Variants in CORIN observed in about 807,000 individuals in gnomAD.
The protein encoded by CORIN is corin, serine peptidase.
CORIN carries 117 observed loss-of-function variants against 125.3 expected under a neutral mutation model. That is an observed-to-expected ratio of 0.93 (90% CI 0.80 to 1.09). CORIN has a LOEUF of 1.09. Among genes scored for constraint, CORIN ranks in the 50% least tolerant of loss-of-function variants. CORIN has a pLI of 0.00. For missense variants in CORIN, 1,253 were observed against 1,306.7 expected, an observed-to-expected ratio of 0.96 and a Z score of 0.63; for synonymous variants, 450 against 466.4, an observed-to-expected ratio of 0.96 and a Z score of 0.45.
intron 5 of CORIN, among the ~76,000 whole-genome samples, chr4:47,710,878 T>C (rs1409717021): frequency 1.3e-5 from 2 of 152,212 alleles, no homozygotes; most frequent in African/African-American, 4.8e-5. Context: ...CTATTACCCA[T>C]CAAACTTACC....
At position 47,600,217 on chromosome 4, in the gene CORIN, G is replaced by A. The variant is rs1234271686; in HGVS notation, c.2943C>T (p.Cys981=). The change falls in exon 21 of 22, where the codon TGC becomes TGT. Residue 981 remains cysteine (C), a synonymous_variant. Coordinates refer to ENST00000273857, the MANE Select transcript of CORIN (RefSeq NM_006587.4). ...TGGTAACCAGAAAGCAACTTACCATGCATGAATCAACTGTGCCAGACTCAT... is the reference window on the plus strand; with the variant it reads ...TGGTAACCAGAAAGCAACTTACCATACATGAATCAACTGTGCCAGACTCAT... ...AGYESGTVDS[C]MGDSGGPLVC... The A allele has an allele frequency of 1.2e-6, 2 of 1,607,386 alleles. No individual in the cohort carries two copies. Among genetic ancestry groups the A allele is most frequent in the African/African-American group, 1.3e-5 (1 of 74,936 alleles).
intron 9 of CORIN, among the ~76,000 whole-genome samples, chr4:47,676,842 G>A (rs17601341): frequency 0.37 from 56,072 of 152,002 alleles, 13,073 homozygotes; most frequent in African/African-American, 0.65. Flanking sequence ...TGATGCAAAC[G>A]GAAGTGCTCG....
At chr4:47,731,605 T>C (rs1727875349) in intron 5 of CORIN, among the ~76,000 whole-genome samples, 1 of 152,136 alleles carries the variant, frequency 6.6e-6, no homozygotes, top group Non-Finnish European at 1.5e-5. Context: ...GCACGGTGGC[T>C]CACGCCTGTA....
intron 4 of CORIN, among the ~76,000 whole-genome samples, chr4:47,752,688 G>C (rs1728956640): frequency 6.6e-6 from 1 of 152,106 alleles, no homozygotes; most frequent in South Asian, 2.1e-4. Flanking sequence ...CAGAAACTTA[G>C]AAAATACTAA....
At chr4:47,786,346 C>A (rs1195880923) in intron 3 of CORIN, among the ~76,000 whole-genome samples, 1 of 151,980 alleles carries the variant, frequency 6.6e-6, no homozygotes, top group Admixed American at 6.6e-5. Context: ...ACCAGCCTGG[C>A]CAATATGGTG....
In CORIN at chr4:47,675,769, T is replaced by G. The variant is rs553227666; in HGVS notation, c.1250-1269A>C. Among the ~76,000 whole-genome samples the G allele has an allele frequency of 1.3e-3, 205 of 152,276 alleles. 1 individual carries two copies. The highest frequency in any genetic ancestry group is 4.5e-3 in the African/African-American group (189 of 41,550). On this transcript the variant is annotated intron_variant, in intron 9 of 21. Coordinates refer to ENST00000273857, the MANE Select transcript of CORIN (RefSeq NM_006587.4). ...TATTGTTTCATAGAGATGGGGGTCT[T>G]GCTATATTGCCCAGGCTAGTCTCAA...
intron 16 of CORIN, among the ~76,000 whole-genome samples, chr4:47,636,246 C>A (rs1050443722): frequency 1.3e-5 from 2 of 152,164 alleles, no homozygotes; most frequent in Admixed American, 1.3e-4. Flanking sequence ...GACCCAGACA[C>A]ACTGTTTCCC....
intron 1 of CORIN, among the ~76,000 whole-genome samples, chr4:47,824,347 G>A (rs2109980147): frequency 6.6e-6 from 1 of 151,834 alleles, no homozygotes; most frequent in East Asian, 1.9e-4. Context: ...AGTGCTACCA[G>A]GAGGCCAAAC....
In CORIN at chr4:47,723,862, G is replaced by T. The variant is rs373518127; in HGVS notation, c.799+20540C>A. On this transcript the variant is annotated intron_variant, in intron 5 of 21. Transcript: ENST00000273857. ...ATACAAAAAATTAGCCAGGCATGGT[G>T]GTGGGCGCCTGTAGTCCCACCTACT... 1.3e-3 allele frequency among the ~76,000 whole-genome samples: 198 copies of T among 151,994 alleles called. 1 individual carries two copies. Among genetic ancestry groups the T allele is most frequent in the African/African-American group, 4.7e-3 (193 of 41,414 alleles).
At position 47,628,230 on chromosome 4, in the gene CORIN, G is replaced by T. The variant is rs544620069; in HGVS notation, c.2199-1709C>A. ...CCCATTTAAAAAAGTCAGTGAATTT[G>T]TTTGGTTGTATTTCTGCCATCGTAC... On this transcript the variant is annotated intron_variant, in intron 16 of 21. Coordinates refer to ENST00000273857, the MANE Select transcript of CORIN (RefSeq NM_006587.4). Among the ~76,000 whole-genome samples the T allele has an allele frequency of 3.0e-4, 45 of 152,250 alleles. No homozygotes were observed. The East Asian group carries it at 8.5e-3, about 29-fold the overall frequency.
At chr4:47,610,625 G>A (rs1437117958) in intron 19 of CORIN, among the ~76,000 whole-genome samples, 4 of 151,938 alleles carry the variant, frequency 2.6e-5, no homozygotes, top group Middle Eastern at 3.2e-3. Flanking sequence ...TTTTCCTTTC[G>A]TTGCAATTGC....
chr4:47,680,567 A>C (rs1434983952), intron 7 of CORIN: 1 of 245,308 alleles, frequency 4.1e-6, no homozygotes, highest in African/African-American at 2.3e-5. Flanking sequence ...CCTTATGAAA[A>C]ATTTATGATT....
intron 13 of CORIN, among the ~76,000 whole-genome samples, chr4:47,650,654 C>A (rs1342233214): frequency 6.6e-6 from 1 of 152,192 alleles, no homozygotes; most frequent in Non-Finnish European, 1.5e-5. Context: ...CACTGCATGG[C>A]TATCAATGCT....
intron 13 of CORIN, among the ~76,000 whole-genome samples, chr4:47,650,286 T>C (rs752104931): frequency 4.9e-4 from 74 of 152,376 alleles, no homozygotes; most frequent in Non-Finnish European, 8.2e-4. Context: ...TTTCTCCATA[T>C]GATGTATACC....
chr4:47,714,040 G>C (rs1195017000), intron 5 of CORIN, among the ~76,000 whole-genome samples: 1 of 151,990 alleles, frequency 6.6e-6, no homozygotes, highest in Non-Finnish European at 1.5e-5. Context: ...AAGGGCACGG[G>C]GTTTTACCAA....
chr4:47,600,135 A>G (rs1441824383), intron 21 of CORIN, 79 bp downstream of exon 21: 19 of 1,248,130 alleles, frequency 1.5e-5, no homozygotes, highest in African/African-American at 3.0e-5. Flanking sequence ...CCAAAGGGCC[A>G]TACGTAATAA....
At chr4:47,730,127 C>G (rs1727799768) in intron 5 of CORIN, among the ~76,000 whole-genome samples, 2 of 152,182 alleles carry the variant, frequency 1.3e-5, no homozygotes, top group Admixed American at 1.3e-4. Context: ...TGCGATAGGG[C>G]AGAGGGTCCA....
intron 4 of CORIN, among the ~76,000 whole-genome samples, chr4:47,761,482 C>CACACACACACACACACACAG (rs1729459256): frequency 7.2e-6 from 1 of 139,148 alleles, no homozygotes; most frequent in African/African-American, 2.6e-5. Flanking sequence ...AAATGTGATA[C>CACACACACACACACACACAG]ACACACACAC....
chr4:47,652,058 A>C (rs1479809384), intron 13 of CORIN, among the ~76,000 whole-genome samples: 3 of 152,218 alleles, frequency 2.0e-5, no homozygotes, highest in Non-Finnish European at 4.4e-5. Context: ...ATGACCCATC[A>C]AAGTCATAGT....
Sources: allele counts gnomAD v4.1 joint callset (sites outside exome capture counted in the v4.1 genomes callset), GRCh38; gene constraint gnomAD v4.1.1; transcripts MANE v1.5; gene names NCBI Gene and HGNC (gene_info 2026-07-23, HGNC 2026-07-21).